Variants in PLPP4 observed in about 807,000 individuals in gnomAD.
PLPP4 encodes the protein diacylglycerol pyrophosphate like 2.
In PLPP4, 20 loss-of-function variants were observed where a neutral mutation model predicts 32.2. That is an observed-to-expected ratio of 0.62 (90% CI 0.44 to 0.90). PLPP4 has a LOEUF of 0.90. PLPP4 is among the 40% of genes least tolerant of loss of function. The pLI is 0.00. For missense variants in PLPP4, 257 were observed against 353.1 expected (o/e 0.73, Z 2.18); for synonymous variants, 127 against 133.0 (o/e 0.95, Z 0.31).
intron 1 of PLPP4, among the ~76,000 whole-genome samples, chr10:120,502,720 C>A (rs1320921218): frequency 6.6e-6 from 1 of 152,186 alleles, no homozygotes; most frequent in Admixed American, 6.5e-5. Flanking sequence ...TGTCTGGAGA[C>A]TGGGACGGCT....
intron 5 of PLPP4, among the ~76,000 whole-genome samples, chr10:120,533,453 C>T (rs896466759): frequency 2.0e-5 from 3 of 152,056 alleles, no homozygotes; most frequent in Non-Finnish European, 2.9e-5. Context: ...AATATCTTCT[C>T]CTATTCTGTG....
intron 1 of PLPP4, among the ~76,000 whole-genome samples, chr10:120,498,181 G>A (rs1845061148): frequency 6.6e-6 from 1 of 152,204 alleles, no homozygotes; most frequent in African/African-American, 2.4e-5. Flanking sequence ...TACTGTAGTA[G>A]TAACTTTGCT....
chr10:120,540,509 G>A (rs553084813), intron 5 of PLPP4, among the ~76,000 whole-genome samples: 48 of 152,172 alleles, frequency 3.2e-4, no homozygotes, highest in Non-Finnish European at 5.3e-4. Flanking sequence ...GGGCAGGACC[G>A]CTGTGAGCCC....
intron 1 of PLPP4, among the ~76,000 whole-genome samples, chr10:120,501,142 A>G (rs1016973822): frequency 1.2e-4 from 19 of 152,228 alleles, no homozygotes; most frequent in Admixed American, 1.2e-3. Flanking sequence ...TACCTAGGCG[A>G]TGAGCCCCTC....
chr10:120,547,757 A>G (rs1181319038), intron 5 of PLPP4, among the ~76,000 whole-genome samples: 3 of 152,182 alleles, frequency 2.0e-5, no homozygotes, highest in Non-Finnish European at 4.4e-5. Flanking sequence ...TGAAAACGTC[A>G]TGGTTTAGTT....
chr10:120,503,111 C>T (rs753036571), intron 1 of PLPP4, among the ~76,000 whole-genome samples: 19 of 152,210 alleles, frequency 1.2e-4, no homozygotes, highest in Non-Finnish European at 2.2e-4. Flanking sequence ...TGGCCAGGGC[C>T]GCCATTTTGA....
chr10:120,549,311 A>C (rs557742336), intron 5 of PLPP4, among the ~76,000 whole-genome samples: 18 of 151,216 alleles, frequency 1.2e-4, no homozygotes, highest in Admixed American at 2.7e-4. Context: ...TTTCCTTGTA[A>C]ACCACTGCTA....
In PLPP4 at chr10:120,553,711, A is replaced by G. The variant is rs115925223; in HGVS notation, c.446-21420A>G. Among the ~76,000 whole-genome samples, 1,311 of 152,304 alleles carry G rather than the reference A, an allele frequency of 8.6e-3. 25 individuals carry two copies. The highest frequency in any genetic ancestry group is 0.03 in the African/African-American group (1,260 of 41,554). On this transcript the variant is annotated intron_variant, in intron 5 of 6. Transcript: ENST00000398250. ...ACTTAACACCATGTGGAAGCTGCCA[A>G]GGCCTATAGCTTGCACCCTCTCAAG... is the stretch of plus-strand genomic sequence containing the variant.
chr10:120,558,695 G>A (rs759836684), intron 5 of PLPP4, among the ~76,000 whole-genome samples: 2 of 152,058 alleles, frequency 1.3e-5, no homozygotes, highest in Non-Finnish European at 2.9e-5. Flanking sequence ...GGGATTATAG[G>A]TGTGAGCCAC....
At chr10:120,522,227 G>A (rs1846184975) in intron 5 of PLPP4, among the ~76,000 whole-genome samples, 1 of 151,992 alleles carries the variant, frequency 6.6e-6, no homozygotes, top group Non-Finnish European at 1.5e-5. Flanking sequence ...CTAAATACCC[G>A]AGACACATCC....
chr10:120,496,915 G>A (rs1312957859), intron 1 of PLPP4, among the ~76,000 whole-genome samples: 1 of 27,668 alleles, frequency 3.6e-5, no homozygotes, highest in African/African-American at 1.1e-4. Context: ...ATGTGTGAGT[G>A]TGTGTGTGTG....
rs138996256 is a variant in PLPP4, at chr10:120,478,950, G to C, written c.56+21589G>C. Among the ~76,000 whole-genome samples, 26 of 152,334 alleles carry C rather than the reference G, an allele frequency of 1.7e-4. No homozygotes were observed. In the East Asian group the frequency reaches 4.8e-3, roughly 28 times the overall value. ...AAATTCTGAGTCAAAAAACTGGCTG[G>C]GCGCAGTGGCTCACGCCTGTAATCC... On this transcript the variant is annotated intron_variant, in intron 1 of 6. Transcript: ENST00000398250.
chr10:120,503,450 A>G, intron 1 of PLPP4: 1 of 1,208,004 alleles, frequency 8.3e-7, no homozygotes. Context: ...CTTATGTTCC[A>G]CCTCAAACCC....
chr10:120,538,984 G>A (rs1847203462), intron 5 of PLPP4, among the ~76,000 whole-genome samples: 1 of 152,180 alleles, frequency 6.6e-6, no homozygotes, highest in Non-Finnish European at 1.5e-5. Flanking sequence ...CTTGCCAGCA[G>A]ACTCCACAGG....
Position 120,552,165 on chromosome 10 carries a change from GGTGTGTGT to G in PLPP4, c.446-22930_446-22923del, listed in dbSNP as rs58426120. The stretch of plus-strand genomic sequence containing the variant: ...GTGATTGTGTTGTTAGTGGTGGTGG[GGTGTGTGT>G]GTGTGTGTGTGTGTGTGTGTGTGTG... On this transcript the variant is annotated intron_variant, in intron 5 of 6. Coordinates refer to ENST00000398250, the MANE Select transcript of PLPP4 (RefSeq NM_001030059.3). Among the ~76,000 whole-genome samples the G allele has an allele frequency of 6.0e-3, 838 of 138,604 alleles. 5 individuals carry two copies. Among genetic ancestry groups the G allele is most frequent in the African/African-American group, 0.016 (610 of 37,166 alleles). The allele number at this position is 138,604 out of a possible 152,430, so 90.9% of individuals were successfully genotyped here.
intron 2 of PLPP4, among the ~76,000 whole-genome samples, chr10:120,505,825 A>AGT (rs1297962246): frequency 2.6e-5 from 4 of 152,192 alleles, no homozygotes; most frequent in African/African-American, 9.7e-5. Context: ...TAAAGGAAGC[A>AGT]GTGTGTGTGT....
At chr10:120,532,466 A>G (rs963639806) in intron 5 of PLPP4, among the ~76,000 whole-genome samples, 2 of 152,006 alleles carry the variant, frequency 1.3e-5, no homozygotes, top group Non-Finnish European at 2.9e-5. Flanking sequence ...AATAAATTTC[A>G]CATATGATTC....
intron 1 of PLPP4, among the ~76,000 whole-genome samples, chr10:120,476,937 G>T (rs1843951567): frequency 6.6e-6 from 1 of 152,084 alleles, no homozygotes; most frequent in Admixed American, 6.5e-5. Flanking sequence ...GTGTTTTTCT[G>T]TTCCCTCTCC....
chr10:120,503,719 G>T lies in PLPP4; in HGVS notation c.57-99G>T, dbSNP rs185454704. ...CTCTTTCCCCTTCCCCAGCAGGCTG[G>T]ATTCCCACCCTGAGGGTGCATAGAA... is the stretch of plus-strand genomic sequence containing the variant. On this transcript the variant is annotated intron_variant, in intron 1 of 6. Coordinates refer to ENST00000398250, the MANE Select transcript of PLPP4 (RefSeq NM_001030059.3). 2,228 of 1,593,966 alleles carry T rather than the reference G, an allele frequency of 1.4e-3. 30 individuals are homozygous for T. In the South Asian group the frequency reaches 0.023, roughly 16 times the overall value.
Sources: allele counts gnomAD v4.1 joint callset (sites outside exome capture counted in the v4.1 genomes callset), GRCh38; gene constraint gnomAD v4.1.1; transcripts MANE v1.5; gene names NCBI Gene and HGNC (gene_info 2026-07-23, HGNC 2026-07-21).